Variants in NFIA observed in about 807,000 individuals in gnomAD.
NFIA encodes the protein nuclear factor I A, also known as nuclear factor 1 A-type.
In NFIA, 8 loss-of-function variants were observed where a neutral mutation model predicts 62.8. The ratio of observed to expected loss-of-function variants is 0.13; its 90% CI spans 0.07 to 0.23. NFIA has a LOEUF of 0.23. NFIA is among the 10% of genes least tolerant of loss of function. The probability of loss-of-function intolerance (pLI) is 1.00; values close to 1 mark genes in which losing one functional copy is unlikely to be tolerated. For synonymous variants in NFIA, 235 were observed against 238.1 expected (o/e 0.99, Z 0.12); for missense variants, 410 against 642.1 (o/e 0.64, Z 3.91).
chr1:61,447,138 A>T (rs534854878), intron 10 of NFIA, among the ~76,000 whole-genome samples: 128 of 144,842 alleles, frequency 8.8e-4, no homozygotes, highest in African/African-American at 3.1e-3. Context: ...AAAAAAATTT[A>T]AAAAAAAATT....
At chr1:61,243,507 A>G (rs922318003) in intron 2 of NFIA, among the ~76,000 whole-genome samples, 2 of 152,198 alleles carry the variant, frequency 1.3e-5, no homozygotes, top group African/African-American at 4.8e-5. Flanking sequence ...TTAAATCTTC[A>G]GATTAAGAAT....
intron 2 of NFIA, among the ~76,000 whole-genome samples, chr1:61,275,361 AAAG>A (rs1657749281): frequency 6.6e-6 from 1 of 152,210 alleles, no homozygotes; most frequent in South Asian, 2.1e-4. Flanking sequence ...CAAAAAGTGA[AAAG>A]AAGAAAGAAG....
chr1:61,080,005 C>T (rs1480574409), upstream of NFIA, among the ~76,000 whole-genome samples: 1 of 152,132 alleles, frequency 6.6e-6, no homozygotes, highest in African/African-American at 2.4e-5. Flanking sequence ...TAGTGTTCCC[C>T]CGCCTCCCCC....
At chr1:61,319,245 A>C (rs1024594327) in intron 3 of NFIA, among the ~76,000 whole-genome samples, 1 of 152,188 alleles carries the variant, frequency 6.6e-6, no homozygotes, top group African/African-American at 2.4e-5. Context: ...TGTTTGGCAA[A>C]CTACACCTAA....
At chr1:61,161,797 T>C (rs1372501842) in intron 2 of NFIA, among the ~76,000 whole-genome samples, 3 of 152,188 alleles carry the variant, frequency 2.0e-5, no homozygotes, top group African/African-American at 7.2e-5. Context: ...TCCTAAATAG[T>C]TGTTTGGGTG....
chr1:61,324,183 G>A (rs937409684), intron 3 of NFIA, among the ~76,000 whole-genome samples: 1 of 152,190 alleles, frequency 6.6e-6, no homozygotes, highest in Admixed American at 6.5e-5. Context: ...TTAGAAGGAT[G>A]AGAATGTAGG....
At chr1:61,169,261 A>G (rs767120047) in intron 2 of NFIA, among the ~76,000 whole-genome samples, 21 of 152,224 alleles carry the variant, frequency 1.4e-4, no homozygotes, top group Non-Finnish European at 2.2e-4. Context: ...TAACAAGCAC[A>G]GAAGAGAGGA....
chr1:61,222,899 C>G (rs1198793747), intron 2 of NFIA, among the ~76,000 whole-genome samples: 1 of 151,884 alleles, frequency 6.6e-6, no homozygotes, highest in Non-Finnish European at 1.5e-5. Flanking sequence ...TGAAATGAAA[C>G]AGATTTCTGA....
In NFIA at chr1:61,122,936, C is replaced by T. The variant is rs573573490; in HGVS notation, c.559+34256C>T. On this transcript the variant is annotated intron_variant, in intron 2 of 10. Transcript: ENST00000403491. Reference sequence around the variant, plus strand: ...TGCTCTCCCCCACCCAGCCCAAGCTCTTCATTTCTACTCAGTACGTATGTC... The same window carrying T: ...TGCTCTCCCCCACCCAGCCCAAGCTTTTCATTTCTACTCAGTACGTATGTC... Among the ~76,000 whole-genome samples, 5 of 152,154 alleles carry T rather than the reference C, an allele frequency of 3.3e-5. No homozygotes were observed. In the South Asian group the frequency reaches 1.0e-3, roughly 32 times the overall value.
intron 9 of NFIA, among the ~76,000 whole-genome samples, chr1:61,411,833 G>A (rs776760152): frequency 6.6e-6 from 1 of 151,772 alleles, no homozygotes; most frequent in South Asian, 2.1e-4. Context: ...GATGCAGTAG[G>A]AGGAGAGGTT....
chr1:61,170,566 G>A (rs912053019), intron 2 of NFIA, among the ~76,000 whole-genome samples: 1 of 152,128 alleles, frequency 6.6e-6, no homozygotes, highest in Non-Finnish European at 1.5e-5. Flanking sequence ...GCTTAGGACT[G>A]TAACCAAACT....
intron 3 of NFIA, among the ~76,000 whole-genome samples, chr1:61,319,830 CACACACCAA>C (rs1660578651): frequency 7.1e-6 from 1 of 141,842 alleles, no homozygotes; most frequent in South Asian, 2.2e-4. Context: ...CACACACACA[CACACACCAA>C]CTTTCATGAT....
intron 2 of NFIA, among the ~76,000 whole-genome samples, chr1:61,219,825 G>T (rs933716761): frequency 2.6e-5 from 4 of 151,870 alleles, no homozygotes; most frequent in Non-Finnish European, 4.4e-5. Flanking sequence ...TTAGTGGGGC[G>T]CAGTGGCCCA....
At chr1:61,415,406 A>G (rs1270932696) in intron 9 of NFIA, among the ~76,000 whole-genome samples, 4 of 152,168 alleles carry the variant, frequency 2.6e-5, no homozygotes, top group Admixed American at 2.0e-4. Flanking sequence ...GTCAAAACAC[A>G]AAAGATAGAA....
At chr1:61,193,285 A>C (rs1255149534) in intron 2 of NFIA, among the ~76,000 whole-genome samples, 1 of 152,372 alleles carries the variant, frequency 6.6e-6, no homozygotes, top group East Asian at 1.9e-4. Flanking sequence ...ATAAGAGAAG[A>C]AGCTCTGCTA....
At chr1:61,297,388 C>A (rs2100322338) in intron 3 of NFIA, among the ~76,000 whole-genome samples, 1 of 152,282 alleles carries the variant, frequency 6.6e-6, no homozygotes, top group South Asian at 2.1e-4. Flanking sequence ...TCATTGCAAA[C>A]CACTGACCCA....
At chr1:61,199,511 C>T (rs1652271625) in intron 2 of NFIA, among the ~76,000 whole-genome samples, 1 of 152,060 alleles carries the variant, frequency 6.6e-6, no homozygotes, top group South Asian at 2.1e-4. Context: ...TACCGTATCT[C>T]GTGAGTAGTA....
At chr1:61,285,312 G>A (rs942664754) in intron 3 of NFIA, among the ~76,000 whole-genome samples, 10 of 152,168 alleles carry the variant, frequency 6.6e-5, no homozygotes, top group African/African-American at 2.2e-4. Flanking sequence ...TCAGGAATTG[G>A]GTATGAGCTT....
intron 9 of NFIA, among the ~76,000 whole-genome samples, chr1:61,414,304 A>G (rs1362938412): frequency 2.6e-5 from 4 of 152,188 alleles, no homozygotes; most frequent in Non-Finnish European, 5.9e-5. Flanking sequence ...ATGTTTTTAT[A>G]TATGTATTAT....
Sources: allele counts gnomAD v4.1 joint callset (sites outside exome capture counted in the v4.1 genomes callset), GRCh38; gene constraint gnomAD v4.1.1; transcripts MANE v1.5; gene names NCBI Gene and HGNC (gene_info 2026-07-23, HGNC 2026-07-21).